ARRB2: variants seen among roughly 807,000 people sequenced by gnomAD.
ARRB2 encodes the protein beta-arrestin-2.
ARRB2 carries 21 observed loss-of-function variants against 53.4 expected under a neutral mutation model. That is an observed-to-expected ratio of 0.39 (90% CI 0.28 to 0.57). The LOEUF is 0.57. ARRB2 is among the 20% of genes least tolerant of loss of function. The pLI, the probability that ARRB2 is intolerant of heterozygous loss-of-function variation, is 0.55. For missense variants in ARRB2, 369 were observed against 527.5 expected (o/e 0.70, Z 2.94); for synonymous variants, 180 against 212.9 (o/e 0.85, Z 1.34).
Position 4,717,826 on chromosome 17 carries a change from G to T in ARRB2, c.486-62G>T. 6.2e-7 allele frequency: 1 copy of T among 1,601,794 alleles called. No homozygotes were observed. The highest frequency in any genetic ancestry group is 1.3e-5 in the African/African-American group (1 of 75,000). On this transcript the variant is annotated intron_variant, in intron 7 of 14. Coordinates refer to ENST00000269260, the MANE Select transcript of ARRB2 (RefSeq NM_004313.4). This position sits in a 1 kb window ranked among gnomAD's most constrained non-coding sequence, Gnocchi z 6.0. ...GCTTCCAGGAGCCCAGGCCCCGTGC[G>T]GGGGAGGAGTAGGGTTGGGGTGTGT...
chr17:4,717,752 G>C lies in ARRB2; in HGVS notation c.485G>C (p.Arg162Thr). Residue 162 changes from arginine (R) to threonine (T), a missense_variant and splice_region_variant, in exon 7 of 15, where the codon AGG becomes ACG. Transcript: ENST00000269260. This position sits in a 1 kb window ranked among gnomAD's most constrained non-coding sequence, Gnocchi z 6.0. The part of the protein sequence containing the change: ...AKSLEEKSHK[R>T]NSVRLVIRKV... ...TCACTAGAAGAGAAAAGCCACAAAA[G>C]GTAAGGGAAGTGACCTCCTCTGTGG... 1 of 1,613,018 alleles carries C rather than the reference G, an allele frequency of 6.2e-7. No homozygotes were observed. Among genetic ancestry groups the C allele is most frequent in the Non-Finnish European group, 8.5e-7 (1 of 1,179,614 alleles).
rs1191596476 is a variant in ARRB2 at position 4,721,302 on chromosome 17, A to C, written c.*263A>C. The C allele has an allele frequency of 8.5e-6, 4 of 469,674 alleles. No homozygotes were observed. Among genetic ancestry groups the C allele is most frequent in the African/African-American group, 8.0e-5 (4 of 49,958 alleles). 29.1% of individuals were successfully genotyped at this position (469,674 alleles called of 1,614,324 possible). On this transcript the variant is annotated 3_prime_UTR_variant, in exon 15 of 15. Coordinates refer to ENST00000269260, the MANE Select transcript of ARRB2 (RefSeq NM_004313.4). This position sits in a 1 kb window ranked among gnomAD's most constrained non-coding sequence, Gnocchi z 4.2. ...GGGTGGCAAGCTGTGTTCATACCTA[A>C]ATTTTCTGGAAGGGGACAGTGAAAA...
chr17:4,716,562 G>A lies in ARRB2; in HGVS notation c.311G>A (p.Arg104Gln), dbSNP rs1400553483. 2.4e-6 allele frequency: 3 copies of A among 1,245,946 alleles called. No individual in the cohort carries two copies. Among genetic ancestry groups the A allele is most frequent in the Admixed American group, 2.1e-5 (1 of 47,722 alleles). 77.2% of individuals were successfully genotyped at this position (1,245,946 alleles called of 1,614,324 possible). A position where few individuals can be genotyped will look rare whatever the true frequency, so the allele number is the denominator to read the frequency against. Reference sequence around the variant, plus strand: ...CGGCCCCCCACCCGCCTGCAGGACCGGCTGCTGAGGAAGCTGGGCCAGCAT... The same window carrying A: ...CGGCCCCCCACCCGCCTGCAGGACCAGCTGCTGAGGAAGCTGGGCCAGCAT... Reference protein sequence around the residue: ...PPRPPTRLQDRLLRKLGQHAH... With the variant: ...PPRPPTRLQDQLLRKLGQHAH... The change falls in exon 5 of 15, where the codon CGG becomes CAG. Residue 104 changes from arginine (R) to glutamine (Q), a missense_variant. Arg to Gln is a conservative substitution (Grantham distance 43). Coordinates refer to ENST00000269260, the MANE Select transcript of ARRB2 (RefSeq NM_004313.4).
Position 4,720,211 on chromosome 17 carries a change from T to G in ARRB2, c.918-5T>G. ...CTGGTCTGACTCCAACACCCTCAATTGCAGCGTGAAGGAGGGTGCCAACAA... is the reference window on the plus strand; with the variant it reads ...CTGGTCTGACTCCAACACCCTCAATGGCAGCGTGAAGGAGGGTGCCAACAA... On this transcript the variant is annotated splice_region_variant and splice_polypyrimidine_tract_variant and intron_variant, in intron 11 of 14. Transcript: ENST00000269260. 3 of 1,610,554 alleles carry G rather than the reference T, an allele frequency of 1.9e-6. No homozygotes were observed. Among genetic ancestry groups the G allele is most frequent in the Non-Finnish European group, 2.5e-6 (3 of 1,178,370 alleles).
chr17:4,718,520 G>A (rs1915314075), intron 9 of ARRB2, 92 bp from the exon 10 acceptor site: 4 of 1,369,288 alleles, frequency 2.9e-6, no homozygotes, highest in African/African-American at 1.4e-5. Context: ...TCAGTGGGGA[G>A]CATGGGGGGG....
At position 4,717,857 on chromosome 17, in the gene ARRB2, A is replaced by G. The variant is rs774018655; in HGVS notation, c.486-31A>G. 6 of 1,613,216 alleles carry G rather than the reference A, an allele frequency of 3.7e-6. No individual in the cohort carries two copies. Among genetic ancestry groups the G allele is most frequent in the Non-Finnish European group, 3.4e-6 (4 of 1,179,722 alleles). On this transcript the variant is annotated intron_variant, in intron 7 of 14. Coordinates refer to ENST00000269260, the MANE Select transcript of ARRB2 (RefSeq NM_004313.4). This position sits in a 1 kb window ranked among gnomAD's most constrained non-coding sequence, Gnocchi z 6.0. ...GGAGTAGGGTTGGGGTGTGTGAGGA[A>G]TGACCCCTCCTGCCCCTACTCTGAT... is the stretch of plus-strand genomic sequence containing the variant.
chr17:4,712,386 GA>G (rs1914495663), intron 1 of ARRB2, among the ~76,000 whole-genome samples: 1 of 152,256 alleles, frequency 6.6e-6, no homozygotes, highest in Non-Finnish European at 1.5e-5. Flanking sequence ...GCCTATGGTA[GA>G]AACCATGTAG....
At position 4,717,962 on chromosome 17, in the gene ARRB2, C is replaced by T; in HGVS notation, c.560C>T (p.Thr187Ile). The T allele has an allele frequency of 6.2e-7, 1 of 1,613,814 alleles. No individual in the cohort carries two copies. Among genetic ancestry groups the T allele is most frequent in the Non-Finnish European group, 8.5e-7 (1 of 1,180,034 alleles). Reference sequence around the variant, plus strand: ...CCCGGCCCCCAGCCTTCAGCCGAAACCACACGCCACTTCCTCATGTCTGAC... The same window carrying T: ...CCCGGCCCCCAGCCTTCAGCCGAAATCACACGCCACTTCCTCATGTCTGAC... Reference protein sequence around the residue: ...EKPGPQPSAETTRHFLMSDRS... With the variant: ...EKPGPQPSAEITRHFLMSDRS... Residue 187 changes from threonine (T) to isoleucine (I), a missense_variant, in exon 8 of 15, where the codon ACC becomes ATC. Transcript: ENST00000269260. The surrounding 1 kb of genome is among the most constrained non-coding windows in gnomAD (Gnocchi z 6.0).
At chr17:4,714,221 G>A (rs886328122) in intron 1 of ARRB2, among the ~76,000 whole-genome samples, 3 of 152,238 alleles carry the variant, frequency 2.0e-5, no homozygotes, top group African/African-American at 4.8e-5. Context: ...AGCGACCAGG[G>A]TCTGGGCTGG....
chr17:4,713,663 A>C (rs780449376), intron 1 of ARRB2, among the ~76,000 whole-genome samples: 1 of 149,106 alleles, frequency 6.7e-6, no homozygotes. Context: ...GATGGCAGGC[A>C]CCTCTAATCC....
Position 4,717,060 on chromosome 17 carries a change from C to T in ARRB2, c.358-157C>T. ...CGTTGGTCAGGCTGGTCTGGAACCC[C>T]TGACCTCAGGTGATCCGCCCACCTT... On this transcript the variant is annotated intron_variant, in intron 5 of 14. Transcript: ENST00000269260. The surrounding 1 kb of genome is among the most constrained non-coding windows in gnomAD (Gnocchi z 6.0). The T allele has an allele frequency of 4.8e-6, 4 of 834,254 alleles. No homozygotes were observed. In the South Asian group the frequency reaches 6.0e-5, roughly 12 times the overall value. The allele number at this position is 834,254 out of a possible 1,614,324, so 51.7% of individuals were successfully genotyped here.
chr17:4,713,169 T>C (rs1914604783), intron 1 of ARRB2, among the ~76,000 whole-genome samples: 1 of 142,586 alleles, frequency 7.0e-6, no homozygotes, highest in Non-Finnish European at 1.5e-5. Context: ...TCAGCCTGGC[T>C]AACATGGGGA....
At chr17:4,719,152 C>T (rs1034065968) in intron 10 of ARRB2, 131 bp from the exon 11 acceptor site, 7 of 1,128,350 alleles carry the variant, frequency 6.2e-6, no homozygotes, top group African/African-American at 1.6e-5. Flanking sequence ...TGAGCCAAAA[C>T]CTACTCCCTT....
chr17:4,715,952 G>A (rs1914980846), intron 2 of ARRB2, 21 bp from the exon 3 acceptor site: 2 of 1,614,154 alleles, frequency 1.2e-6, no homozygotes, highest in Admixed American at 1.7e-5. Context: ...AATCTCCCCT[G>A]TGACCCCTTG....
intron 10 of ARRB2, among the ~76,000 whole-genome samples, chr17:4,719,050 A>T (rs1289397024): frequency 6.6e-6 from 1 of 152,200 alleles, no homozygotes; most frequent in Admixed American, 6.5e-5. Flanking sequence ...CTGGGATTAC[A>T]GGCGTGAGCC....
chr17:4,721,142 C>T lies in ARRB2; in HGVS notation c.*103C>T. Reference sequence around the variant, plus strand: ...GATTGTCCCAGCCCCTCTTCCCTTCCCCTCACCTGGAAGCTTCTTCAACCA... The same window carrying T: ...GATTGTCCCAGCCCCTCTTCCCTTCTCCTCACCTGGAAGCTTCTTCAACCA... On this transcript the variant is annotated 3_prime_UTR_variant, in exon 15 of 15. Coordinates refer to ENST00000269260, the MANE Select transcript of ARRB2 (RefSeq NM_004313.4). The surrounding 1 kb of genome is among the most constrained non-coding windows in gnomAD (Gnocchi z 4.2). 1.6e-6 allele frequency: 2 copies of T among 1,222,292 alleles called. No homozygotes were observed. The highest frequency in any genetic ancestry group is 2.3e-6 in the Non-Finnish European group (2 of 852,518). The allele number at this position is 1,222,292 out of a possible 1,614,324, so 75.7% of individuals were successfully genotyped here.
chr17:4,720,497 C>G, intron 13 of ARRB2, 25 bp downstream of exon 13: 1 of 1,601,808 alleles, frequency 6.2e-7, no homozygotes, highest in Non-Finnish European at 8.5e-7. Flanking sequence ...CACCCCAAGC[C>G]CTCAGAGGGA....
At chr17:4,712,962 G>T (rs1486372411) in intron 1 of ARRB2, among the ~76,000 whole-genome samples, 1 of 151,996 alleles carries the variant, frequency 6.6e-6, no homozygotes, top group Admixed American at 6.6e-5. Flanking sequence ...CCATCACTGG[G>T]TGGTTTTATT....
chr17:4,716,613 G>T lies in ARRB2; in HGVS notation c.357+5G>T. ...GCCCACCCCTTCTTCTTCACCGTGA[G>T]GATGCCCCTGCCCTCTGAGGGCCAG... is the stretch of plus-strand genomic sequence containing the variant. On this transcript the variant is annotated splice_donor_5th_base_variant and intron_variant, in intron 5 of 14. Coordinates refer to ENST00000269260, the MANE Select transcript of ARRB2 (RefSeq NM_004313.4). 6.4e-7 allele frequency: 1 copy of T among 1,558,558 alleles called. No homozygotes were observed. The highest frequency in any genetic ancestry group is 8.7e-7 in the Non-Finnish European group (1 of 1,153,040).
Sources: allele counts gnomAD v4.1 joint callset (sites outside exome capture counted in the v4.1 genomes callset), GRCh38; gene constraint gnomAD v4.1.1; non-coding constraint Gnocchi (gnomAD v3.1); transcripts MANE v1.5; gene names NCBI Gene and HGNC (gene_info 2026-07-23, HGNC 2026-07-21).